RAVER2: variants seen among roughly 807,000 people sequenced by gnomAD.
The protein encoded by RAVER2 is ribonucleoprotein PTB-binding 2.
RAVER2 carries 46 observed loss-of-function variants against 78.1 expected under a neutral mutation model. The ratio of observed to expected loss-of-function variants is 0.59; its 90% CI spans 0.46 to 0.75. The LOEUF is 0.75. Ranked by LOEUF, RAVER2 falls within the 30% of genes least tolerant of loss-of-function variation. The pLI is 0.00. For missense variants in RAVER2, 793 were observed against 837.5 expected, an observed-to-expected ratio of 0.95 and a Z score of 0.66; for synonymous variants, 311 against 313.3, an observed-to-expected ratio of 0.99 and a Z score of 0.08.
At chr1:64,749,302 C>T (rs1019439506) in intron 1 of RAVER2, among the ~76,000 whole-genome samples, 1 of 152,174 alleles carries the variant, frequency 6.6e-6, no homozygotes, top group Non-Finnish European at 1.5e-5. Context: ...CCTCCACCTC[C>T]TGGGTTCAAG....
intron 3 of RAVER2, among the ~76,000 whole-genome samples, chr1:64,780,090 T>G (rs369889316): frequency 1.3e-5 from 2 of 152,122 alleles, no homozygotes; most frequent in African/African-American, 4.8e-5. Context: ...AAAAAAAAAT[T>G]TTTAAGTTTT....
chr1:64,795,961 G>C (rs531789667), intron 5 of RAVER2, among the ~76,000 whole-genome samples: 1 of 151,906 alleles, frequency 6.6e-6, no homozygotes, highest in South Asian at 2.1e-4. Flanking sequence ...TTAAGCTGCG[G>C]AATTTACCAT....
chr1:64,788,777 G>A (rs1262907162), intron 4 of RAVER2, among the ~76,000 whole-genome samples: 2 of 143,706 alleles, frequency 1.4e-5, no homozygotes, highest in Non-Finnish European at 3.0e-5. Context: ...GGGTGACAGA[G>A]CGAGACTCCG....
intron 2 of RAVER2, among the ~76,000 whole-genome samples, chr1:64,769,627 A>C (rs1250524676): frequency 1.3e-5 from 2 of 152,146 alleles, no homozygotes; most frequent in Non-Finnish European, 2.9e-5. Context: ...GAAAGATTTC[A>C]GAGCCAGCAT....
intron 11 of RAVER2, among the ~76,000 whole-genome samples, chr1:64,819,449 A>C (rs1190006764): frequency 6.6e-6 from 1 of 152,134 alleles, no homozygotes; most frequent in African/African-American, 2.4e-5. Flanking sequence ...AAGAAAAGAG[A>C]TTTTTAAAAG....
At position 64,745,199 on chromosome 1, in the gene RAVER2, C is replaced by G. The variant is rs967778698; in HGVS notation, c.27C>G (p.Gly9=). 2 of 1,030,522 alleles carry G rather than the reference C, an allele frequency of 1.9e-6. No homozygotes were observed. The highest frequency in any genetic ancestry group is 3.5e-5 in the African/African-American group (2 of 57,718). The allele number at this position is 1,030,522 out of a possible 1,614,324, so 63.8% of individuals were successfully genotyped here. A position where few individuals can be genotyped will look rare whatever the true frequency, so the allele number is the denominator to read the frequency against. ...TGGCGGCGGCGGCGGGAGACGGCGG[C>G]GGCGAGGGGGGCGCGGGCCTGGGCA... The change falls in exon 1 of 12, where the codon GGC becomes GGG. Residue 9 remains glycine, a synonymous_variant. Transcript: ENST00000294428. The surrounding 1 kb of genome is among the most constrained non-coding windows in gnomAD (Gnocchi z 4.3).
At chr1:64,821,716 T>C (rs1339756750) in intron 11 of RAVER2, among the ~76,000 whole-genome samples, 1 of 152,180 alleles carries the variant, frequency 6.6e-6, no homozygotes, top group Non-Finnish European at 1.5e-5. Flanking sequence ...GCTAGCCATA[T>C]GCAGAAGATT....
intron 11 of RAVER2, among the ~76,000 whole-genome samples, chr1:64,827,125 A>T (rs1654021001): frequency 6.6e-6 from 1 of 152,192 alleles, no homozygotes; most frequent in South Asian, 2.1e-4. Context: ...TGTGAATTGC[A>T]TGAAATTGGA....
At chr1:64,825,402 G>A (rs551534541) in intron 11 of RAVER2, among the ~76,000 whole-genome samples, 11 of 152,280 alleles carry the variant, frequency 7.2e-5, no homozygotes, top group Non-Finnish European at 1.0e-4. Context: ...GTGAAGTGGG[G>A]CTGAAGGTAA....
intron 2 of RAVER2, among the ~76,000 whole-genome samples, chr1:64,772,688 G>A (rs554879035): frequency 6.6e-5 from 10 of 152,288 alleles, no homozygotes; most frequent in African/African-American, 2.4e-4. Context: ...GGTATCCTAA[G>A]GTATGGGGAG....
exon 3 of RAVER2, chr1:64,777,645 G>A (rs959576661): frequency 5.6e-6 from 9 of 1,609,858 alleles, no homozygotes; most frequent in Non-Finnish European, 7.6e-6. Flanking sequence ...TATTGAATGG[G>A]GAACAAGCCC....
In RAVER2 at chr1:64,809,515, A is replaced by AATAAATAAATAT. The variant is rs1045535139; in HGVS notation, c.1680+2050_1680+2051insTATATAAATAAA. The stretch of plus-strand genomic sequence containing the variant: ...AAATAAATAAATAAATAAATAAATA[A>AATAAATAAATAT]ATAAATAAAAGAGATTTGGACCCCA... On this transcript the variant is annotated intron_variant, in intron 9 of 11. Coordinates refer to ENST00000294428, the Ensembl canonical transcript of RAVER2. 6.6e-5 allele frequency among the ~76,000 whole-genome samples: 10 copies of AATAAATAAATAT among 151,982 alleles called. No individual in the cohort carries two copies. In the East Asian group the frequency reaches 1.9e-3, roughly 29 times the overall value.
intron 4 of RAVER2, among the ~76,000 whole-genome samples, chr1:64,786,888 T>C (rs542747940): frequency 6.6e-6 from 1 of 152,362 alleles, no homozygotes; most frequent in African/African-American, 2.4e-5. Context: ...ATAATAATGC[T>C]TCACGAATTC....
At chr1:64,831,341 C>T in exon 12 of RAVER2, 1 of 162,572 alleles carries the variant, frequency 6.2e-6, no homozygotes, top group Admixed American at 6.4e-5. Flanking sequence ...GTTTCCTGAG[C>T]CTTAGAAGAA....
At chr1:64,788,929 G>T (rs1652861166) in intron 4 of RAVER2, among the ~76,000 whole-genome samples, 1 of 151,966 alleles carries the variant, frequency 6.6e-6, no homozygotes, top group African/African-American at 2.4e-5. Flanking sequence ...GGCTGATCTT[G>T]ACCTCCTGAG....
intron 2 of RAVER2, among the ~76,000 whole-genome samples, chr1:64,770,807 G>T (rs1333052686): frequency 6.6e-6 from 1 of 151,844 alleles, no homozygotes; most frequent in East Asian, 1.9e-4. Context: ...GAAATACACT[G>T]GATAGGATTA....
chr1:64,784,524 T>C (rs1044273620), intron 4 of RAVER2, among the ~76,000 whole-genome samples: 1 of 152,208 alleles, frequency 6.6e-6, no homozygotes, highest in Non-Finnish European at 1.5e-5. Context: ...TATTTGGCCT[T>C]CTCATTTTCT....
intron 11 of RAVER2, among the ~76,000 whole-genome samples, chr1:64,825,687 A>C (rs1202478816): frequency 6.6e-6 from 1 of 152,228 alleles, no homozygotes; most frequent in Non-Finnish European, 1.5e-5. Flanking sequence ...ACATGAGCTT[A>C]AAAATTGAGC....
chr1:64,819,330 A>C (rs1479001051), intron 11 of RAVER2, among the ~76,000 whole-genome samples: 1 of 152,162 alleles, frequency 6.6e-6, no homozygotes, highest in Non-Finnish European at 1.5e-5. Flanking sequence ...TTGGAACTGA[A>C]AACTATAGTA....
Sources: gnomAD v4.1 joint callset for allele counts (sites outside exome capture counted in the v4.1 genomes callset) on GRCh38, gnomAD v4.1.1 for gene constraint, Gnocchi (gnomAD v3.1) non-coding constraint, MANE v1.5 for transcripts, NCBI Gene and HGNC (gene_info 2026-07-23, HGNC 2026-07-21) for gene names.